FREM3: variants seen among roughly 807,000 people sequenced by gnomAD.
FREM3 encodes the protein FRAS1-related extracellular matrix protein 3.
In FREM3, 105 loss-of-function variants were observed where a neutral mutation model predicts 129.1. That is an observed-to-expected ratio of 0.81 (90% CI 0.69 to 0.96). FREM3 has a LOEUF of 0.96. Ranked by LOEUF, FREM3 falls within the 40% of genes least tolerant of loss-of-function variation. The probability of loss-of-function intolerance (pLI) is 0.00; values close to 1 mark genes in which losing one functional copy is unlikely to be tolerated. For missense variants in FREM3, 2,593 were observed against 2,666.3 expected, an observed-to-expected ratio of 0.97 and a Z score of 0.61; for synonymous variants, 1,014 against 1,044.9, an observed-to-expected ratio of 0.97 and a Z score of 0.57.
chr4:143,667,446 A>G (rs1739884521), intron 2 of FREM3, among the ~76,000 whole-genome samples: 1 of 152,186 alleles, frequency 6.6e-6, no homozygotes, highest in South Asian at 2.1e-4. Flanking sequence ...GGAACTGGGA[A>G]ATCTATTACA....
chr4:143,584,197 CAGG>C (rs1263411412), intron 7 of FREM3, among the ~76,000 whole-genome samples: 1 of 152,118 alleles, frequency 6.6e-6, no homozygotes, highest in Non-Finnish European at 1.5e-5. Flanking sequence ...ATCATGAGGT[CAGG>C]AGATCGAGAC....
chr4:143,660,380 G>C (rs71612410), intron 2 of FREM3, among the ~76,000 whole-genome samples: 82,517 of 151,672 alleles, frequency 0.54, 23,400 homozygotes, highest in East Asian at 0.71. Context: ...GTTTGTCAAA[G>C]ATCAGATAGT....
At chr4:143,586,263 T>G (rs1230314961) in intron 6 of FREM3, among the ~76,000 whole-genome samples, 1 of 152,184 alleles carries the variant, frequency 6.6e-6, no homozygotes, top group Non-Finnish European at 1.5e-5. Context: ...GAACTTTCCA[T>G]TACATAGAAG....
chr4:143,675,594 A>C (rs564352765), intron 2 of FREM3, among the ~76,000 whole-genome samples: 82 of 152,300 alleles, frequency 5.4e-4, no homozygotes, highest in African/African-American at 1.7e-3. Context: ...AAATCAATGG[A>C]TCCAGGAGCT....
Position 143,697,835 on chromosome 4 carries a change from G to C in FREM3, c.2841C>G (p.Leu947=). 2 of 1,537,658 alleles carry C rather than the reference G, an allele frequency of 1.3e-6. No homozygotes were observed. Among genetic ancestry groups the C allele is most frequent in the Non-Finnish European group, 1.7e-6 (2 of 1,146,968 alleles). Residue 947 remains leucine (L), a synonymous_variant, in exon 1 of 8, where the codon CTC becomes CTG. Coordinates refer to ENST00000329798, the MANE Select transcript of FREM3 (RefSeq NM_001168235.2). ...AAACATCCAATAATGAACTACTTCT[G>C]AGAGAGATCCTAGGACTTCTGTTAG... ...NVANRSPRIS[L]RSSSLLDVSI...
At chr4:143,635,481 A>G (rs1314384573) in intron 2 of FREM3, among the ~76,000 whole-genome samples, 2 of 152,082 alleles carry the variant, frequency 1.3e-5, no homozygotes, top group Admixed American at 1.3e-4. Flanking sequence ...ATGCTCAGCA[A>G]CCTCCCTGGC....
intron 6 of FREM3, among the ~76,000 whole-genome samples, chr4:143,598,125 G>A (rs1160830227): frequency 6.6e-6 from 1 of 152,234 alleles, no homozygotes; most frequent in South Asian, 2.1e-4. Flanking sequence ...CACCTTGGAG[G>A]TTAGAATTTC....
At chr4:143,674,931 A>C (rs2149856982) in intron 2 of FREM3, among the ~76,000 whole-genome samples, 1 of 152,334 alleles carries the variant, frequency 6.6e-6, no homozygotes, top group African/African-American at 2.4e-5. Context: ...AGACTCCCAC[A>C]CAATAATAAT....
At position 143,615,547 on chromosome 4, in the gene FREM3, G is replaced by A. The variant is rs139960360; in HGVS notation, c.5780-4020C>T. On this transcript the variant is annotated intron_variant, in intron 5 of 7. Coordinates refer to ENST00000329798, the MANE Select transcript of FREM3 (RefSeq NM_001168235.2). Reference sequence around the variant, plus strand: ...GGCTCGGCTGGAGCAGCATGGGAGCGTCTATCTAGAGGGGACTTTGGTACT... The same window carrying A: ...GGCTCGGCTGGAGCAGCATGGGAGCATCTATCTAGAGGGGACTTTGGTACT... 1.8e-3 allele frequency among the ~76,000 whole-genome samples: 279 copies of A among 152,174 alleles called. 1 individual carries two copies. The highest frequency in any genetic ancestry group is 4.3e-3 in the African/African-American group (178 of 41,506).
chr4:143,654,349 C>T (rs527536422), intron 2 of FREM3, among the ~76,000 whole-genome samples: 1 of 152,186 alleles, frequency 6.6e-6, no homozygotes, highest in Non-Finnish European at 1.5e-5. Context: ...AGTGATCTGC[C>T]CGCCTTGGCC....
At chr4:143,597,668 T>A (rs1355128466) in intron 6 of FREM3, among the ~76,000 whole-genome samples, 2 of 152,194 alleles carry the variant, frequency 1.3e-5, no homozygotes, top group Non-Finnish European at 2.9e-5. Flanking sequence ...CCCATTTACA[T>A]TCAAATACTA....
chr4:143,640,086 T>G (rs1455090971), intron 2 of FREM3, among the ~76,000 whole-genome samples: 1 of 152,222 alleles, frequency 6.6e-6, no homozygotes, highest in Non-Finnish European at 1.5e-5. Flanking sequence ...TGTTTGAATG[T>G]TGCTTCTTAA....
intron 2 of FREM3, among the ~76,000 whole-genome samples, chr4:143,631,498 A>G (rs909475326): frequency 2.7e-4 from 41 of 152,276 alleles, no homozygotes; most frequent in African/African-American, 9.6e-4. Context: ...CAAACATTAC[A>G]ATGCCTGGCT....
intron 2 of FREM3, among the ~76,000 whole-genome samples, chr4:143,669,960 A>T (rs1739937544): frequency 6.6e-6 from 1 of 152,158 alleles, no homozygotes; most frequent in African/African-American, 2.4e-5. Flanking sequence ...CACTCTGTCT[A>T]TTGTTACAAG....
At chr4:143,665,586 A>C (rs1049848816) in intron 2 of FREM3, among the ~76,000 whole-genome samples, 1 of 152,124 alleles carries the variant, frequency 6.6e-6, no homozygotes, top group African/African-American at 2.4e-5. Flanking sequence ...TCTGAATCCT[A>C]AACACTTAAG....
chr4:143,696,224 G>A lies in FREM3; in HGVS notation c.4452C>T (p.Ala1484=), dbSNP rs1367184819. 6.5e-7 allele frequency: 1 copy of A among 1,537,838 alleles called. No homozygotes were observed. The highest frequency in any genetic ancestry group is 8.7e-7 in the Non-Finnish European group (1 of 1,147,060). ...TAGCCAATTGAAGTTGAGTGAAAGA[G>A]GCAATGGGTTCCCCAGCATAGTCAG... ...ESSDYAGEPI[A]SFTQLQLASN... Residue 1484 remains alanine, a synonymous_variant, in exon 1 of 8, where the codon GCC becomes GCT. Coordinates refer to ENST00000329798, the MANE Select transcript of FREM3 (RefSeq NM_001168235.2).
At chr4:143,673,872 G>A (rs1338132995) in intron 2 of FREM3, among the ~76,000 whole-genome samples, 1 of 152,210 alleles carries the variant, frequency 6.6e-6, no homozygotes, top group Non-Finnish European at 1.5e-5. Flanking sequence ...AGGCTCCATG[G>A]GTGTGGGACC....
In FREM3 at chr4:143,699,827, A is replaced by G. The variant is rs1200590256; in HGVS notation, c.849T>C (p.Gly283=). 1 of 1,536,396 alleles carries G rather than the reference A, an allele frequency of 6.5e-7. No individual in the cohort carries two copies. Among genetic ancestry groups the G allele is most frequent in the South Asian group, 1.2e-5 (1 of 84,050 alleles). ...GPEGQDAGSA[G]VLVREHFQLL... is the part of the protein sequence containing the mutation. ...GCTGGAAGTGCTCGCGGACCAGCACACCCGCGGACCCAGCGTCTTGGCCCT... is the reference window on the plus strand; with the variant it reads ...GCTGGAAGTGCTCGCGGACCAGCACGCCCGCGGACCCAGCGTCTTGGCCCT... Residue 283 remains glycine, a synonymous_variant, in exon 1 of 8, where the codon GGT becomes GGC. Coordinates refer to ENST00000329798, the MANE Select transcript of FREM3 (RefSeq NM_001168235.2). The surrounding 1 kb of genome is among the most constrained non-coding windows in gnomAD (Gnocchi z 4.2).
rs1408312688 is a variant in FREM3 at position 143,696,018 on chromosome 4, TG to T, written c.4657del (p.Gln1553AsnfsTer2). 2 of 1,537,778 alleles carry T rather than the reference TG, an allele frequency of 1.3e-6. No homozygotes were observed. The highest frequency in any genetic ancestry group is 1.4e-5 in the African/African-American group (1 of 73,042). On this transcript the variant is annotated frameshift_variant, in exon 1 of 8. Transcript: ENST00000329798. LOFTEE classifies it high-confidence loss of function. ...HRLTLQKEDS[Q>X]LITLLELTVE... is the part of the protein sequence containing the mutation. ...TGTCAACTCAAGGAGAGTGATCAGT[TG>T]GCTATCCTCTTTCTGTAGTGTTAGT... is the stretch of plus-strand genomic sequence containing the variant.
Sources: allele counts gnomAD v4.1 joint callset (sites outside exome capture counted in the v4.1 genomes callset), GRCh38; gene constraint gnomAD v4.1.1; non-coding constraint Gnocchi (gnomAD v3.1); transcripts MANE v1.5; gene names NCBI Gene and HGNC (gene_info 2026-07-23, HGNC 2026-07-21).